TMC1: variants seen among roughly 807,000 people sequenced by gnomAD.
TMC1 encodes the protein transmembrane channel-like protein 1.
TMC1 carries 84 observed loss-of-function variants against 105.8 expected under a neutral mutation model. The observed-to-expected ratio is 0.79, with a 90% confidence interval of 0.67 to 0.95. The LOEUF (loss-of-function observed/expected upper bound fraction) is 0.95. TMC1 is among the 40% of genes least tolerant of loss of function. TMC1 has a pLI of 0.00. For missense variants in TMC1, 817 were observed against 914.1 expected, an observed-to-expected ratio of 0.89 and a Z score of 1.37; for synonymous variants, 315 against 311.5, an observed-to-expected ratio of 1.01 and a Z score of -0.12.
chr9:72,820,915 T>C lies in TMC1; in HGVS notation c.1837T>C (p.Cys613Arg). Residue 613 changes from cysteine (C) to arginine (R), a missense_variant, in exon 20 of 24, where the codon TGC becomes CGC. Physicochemically the swap from Cys to Arg is radical, Grantham distance 180. Coordinates refer to ENST00000297784, the MANE Select transcript of TMC1 (RefSeq NM_138691.3). ...LRLHTSMYFQ[C>R]WAVMCCNVPE... ...ACTCCATACATCCATGTACTTCCAG[T>C]GCTGGGCCGTTATGTGCTGCAATGT... is the stretch of plus-strand genomic sequence containing the variant. 6.2e-7 allele frequency: 1 copy of C among 1,614,182 alleles called. No homozygotes were observed. The highest frequency in any genetic ancestry group is 8.5e-7 in the Non-Finnish European group (1 of 1,180,018).
chr9:72,696,864 T>C (rs903704928), intron 7 of TMC1, among the ~76,000 whole-genome samples: 2 of 152,222 alleles, frequency 1.3e-5, no homozygotes, highest in African/African-American at 4.8e-5. Context: ...TAGAAAACCA[T>C]TCTTGCACAG....
intron 1 of TMC1, among the ~76,000 whole-genome samples, chr9:72,556,006 T>C (rs1479272030): frequency 5.8e-5 from 7 of 120,074 alleles, no homozygotes; most frequent in African/African-American, 2.3e-4. Flanking sequence ...AAAAAAAAAG[T>C]TGCACAGAGA....
At chr9:72,756,538 C>T (rs138092333) in intron 12 of TMC1, among the ~76,000 whole-genome samples, 69 of 152,232 alleles carry the variant, frequency 4.5e-4, no homozygotes, top group African/African-American at 1.6e-3. Flanking sequence ...CTCTCACTTT[C>T]AAATTTCAAA....
chr9:72,596,911 C>T (rs541548009), intron 2 of TMC1, among the ~76,000 whole-genome samples: 3 of 152,352 alleles, frequency 2.0e-5, no homozygotes, highest in South Asian at 2.1e-4. Context: ...TGACTGTCTG[C>T]GCCTTCTAAG....
At chr9:72,660,723 G>C (rs1406525376) in intron 5 of TMC1, among the ~76,000 whole-genome samples, 1 of 152,084 alleles carries the variant, frequency 6.6e-6, no homozygotes, top group African/African-American at 2.4e-5. Context: ...GGAGATGCTT[G>C]GAAGACCCAG....
At chr9:72,749,653 G>A (rs1415202805) in intron 10 of TMC1, among the ~76,000 whole-genome samples, 3 of 152,008 alleles carry the variant, frequency 2.0e-5, no homozygotes, top group Admixed American at 1.3e-4. Flanking sequence ...TGCACCCCTC[G>A]GCAATGTGAA....
intron 19 of TMC1, among the ~76,000 whole-genome samples, chr9:72,817,989 T>C (rs757694000): frequency 2.3e-4 from 35 of 152,256 alleles, no homozygotes; most frequent in Non-Finnish European, 4.3e-4. Context: ...TTATTCACCT[T>C]CACGTCAATG....
chr9:72,535,728 T>TA (rs1461677342), intron 1 of TMC1, among the ~76,000 whole-genome samples: 2 of 152,212 alleles, frequency 1.3e-5, no homozygotes, highest in African/African-American at 4.8e-5. Flanking sequence ...GGGCATTTGG[T>TA]AAAAGCCTTA....
chr9:72,550,733 G>A (rs1308791148), intron 1 of TMC1, among the ~76,000 whole-genome samples: 2 of 151,884 alleles, frequency 1.3e-5, no homozygotes, highest in South Asian at 4.1e-4. Context: ...AGGCTGGTGG[G>A]TGTGGTAGGC....
intron 5 of TMC1, among the ~76,000 whole-genome samples, chr9:72,682,263 G>A (rs558184121): frequency 6.6e-6 from 1 of 152,270 alleles, no homozygotes; most frequent in East Asian, 1.9e-4. Flanking sequence ...AGGAAGATAA[G>A]ATACTGGTAC....
At chr9:72,827,512 G>A (rs889960013) in intron 21 of TMC1, among the ~76,000 whole-genome samples, 2 of 152,192 alleles carry the variant, frequency 1.3e-5, no homozygotes, top group Non-Finnish European at 2.9e-5. Context: ...GTGTGTTCAC[G>A]ATAATAGAAT....
chr9:72,716,519 A>G (rs1484762106), intron 8 of TMC1, among the ~76,000 whole-genome samples: 3 of 152,070 alleles, frequency 2.0e-5, no homozygotes, highest in Non-Finnish European at 4.4e-5. Context: ...AGCTGTGGTG[A>G]GCTTCGTCCA....
chr9:72,760,676 C>T (rs528397347), intron 12 of TMC1, among the ~76,000 whole-genome samples: 1 of 152,210 alleles, frequency 6.6e-6, no homozygotes, highest in African/African-American at 2.4e-5. Context: ...TAAGTTATTC[C>T]ACATAGAGGC....
chr9:72,586,433 T>C (rs1195036946), intron 2 of TMC1, among the ~76,000 whole-genome samples: 4 of 152,230 alleles, frequency 2.6e-5, no homozygotes, highest in Non-Finnish European at 1.5e-5. Context: ...CTGTCCTGTG[T>C]GGATCTGTAT....
At chr9:72,697,217 C>T (rs1366222982) in intron 7 of TMC1, among the ~76,000 whole-genome samples, 1 of 152,060 alleles carries the variant, frequency 6.6e-6, no homozygotes, top group Non-Finnish European at 1.5e-5. Flanking sequence ...CCTGAGCAAT[C>T]CAGAAAAGTT....
intron 7 of TMC1, among the ~76,000 whole-genome samples, chr9:72,699,772 C>T (rs745541819): frequency 2.8e-5 from 4 of 141,802 alleles, no homozygotes; most frequent in South Asian, 2.2e-4. Flanking sequence ...GCCTGGCCAA[C>T]GTGGTGAAAC....
At chr9:72,642,168 A>G (rs1286862842) in intron 4 of TMC1, among the ~76,000 whole-genome samples, 1 of 152,084 alleles carries the variant, frequency 6.6e-6, no homozygotes, top group Non-Finnish European at 1.5e-5. Context: ...ATGAAATAAC[A>G]CCCAGAATTT....
At chr9:72,675,786 C>A (rs1209443536) in intron 5 of TMC1, among the ~76,000 whole-genome samples, 1 of 152,112 alleles carries the variant, frequency 6.6e-6, no homozygotes, top group South Asian at 2.1e-4. Context: ...CCACCCCATG[C>A]CTTTTTGTCT....
At chr9:72,795,033 A>G (rs1383591553) in intron 17 of TMC1, among the ~76,000 whole-genome samples, 1 of 152,206 alleles carries the variant, frequency 6.6e-6, no homozygotes, top group Non-Finnish European at 1.5e-5. Context: ...GAATCTTAGA[A>G]CTTGAAGACT....
Sources: gnomAD v4.1 joint callset for allele counts (sites outside exome capture counted in the v4.1 genomes callset) on GRCh38, gnomAD v4.1.1 for gene constraint, MANE v1.5 for transcripts, NCBI Gene and HGNC (gene_info 2026-07-23, HGNC 2026-07-21) for gene names.